Variants in ST7L observed in about 807,000 individuals in gnomAD.
ST7L encodes the protein suppression of tumorigenicity 7 like, also known as suppressor of tumorigenicity 7 protein-like.
A neutral mutation model predicts 72.5 loss-of-function variants in ST7L; 57 were observed. The ratio of observed to expected loss-of-function variants is 0.79; its 90% CI spans 0.64 to 0.98. The LOEUF is 0.98. Ranked by LOEUF, ST7L falls within the 50% of genes least tolerant of loss-of-function variation. The pLI is 0.00. For missense variants in ST7L, 576 were observed against 672.2 expected (o/e 0.86, Z 1.58); for synonymous variants, 221 against 240.9 (o/e 0.92, Z 0.77).
At chr1:112,520,787 G>A (rs548381683), downstream of ST7L, 8 of 485,986 alleles carry the variant, frequency 1.6e-5, no homozygotes, top group African/African-American at 7.6e-5. Context: ...AGAGTGAAAT[G>A]AGTTGCACTA....
intron 6 of ST7L, among the ~76,000 whole-genome samples, chr1:112,590,900 G>T (rs1167418879): frequency 6.6e-6 from 1 of 150,858 alleles, no homozygotes; most frequent in Non-Finnish European, 1.5e-5. Context: ...ATTAAAACAG[G>T]TGCATAAATA....
chr1:112,550,519 G>A, intron 13 of ST7L, 82 bp downstream of exon 13: 1 of 1,032,862 alleles, frequency 9.7e-7, no homozygotes, highest in South Asian at 1.5e-5. Context: ...TAAACCAAAG[G>A]CATTTTTAAA....
chr1:112,565,555 A>T (rs182803597), intron 11 of ST7L, among the ~76,000 whole-genome samples: 1 of 152,336 alleles, frequency 6.6e-6, no homozygotes, highest in Admixed American at 6.5e-5. Context: ...CAAATTAGTT[A>T]TTACCTAACT....
At chr1:112,575,633 A>T (rs1230515155) in intron 11 of ST7L, among the ~76,000 whole-genome samples, 1 of 152,074 alleles carries the variant, frequency 6.6e-6, no homozygotes, top group African/African-American at 2.4e-5. Context: ...GCCTGGATGG[A>T]GGGGGATGGT....
At chr1:112,566,619 T>C (rs1195965454) in intron 11 of ST7L, among the ~76,000 whole-genome samples, 4 of 152,152 alleles carry the variant, frequency 2.6e-5, no homozygotes, top group African/African-American at 9.7e-5. Flanking sequence ...CTTCTTTCAC[T>C]CCAGGAAGTT....
At chr1:112,589,345 T>TC (rs1234420932) in intron 6 of ST7L, among the ~76,000 whole-genome samples, 6 of 152,162 alleles carry the variant, frequency 3.9e-5, no homozygotes, top group African/African-American at 1.4e-4. Flanking sequence ...TGCCTTGGCC[T>TC]CCCAAAGTGC....
At chr1:112,543,298 C>T (rs566716816) in intron 13 of ST7L, among the ~76,000 whole-genome samples, 1 of 152,308 alleles carries the variant, frequency 6.6e-6, no homozygotes, top group African/African-American at 2.4e-5. Flanking sequence ...GCCTGTAATC[C>T]CAGCACCTTG....
At chr1:112,584,213 T>C (rs1664537253) in intron 6 of ST7L, 87 bp from the exon 7 acceptor site, 1 of 1,347,996 alleles carries the variant, frequency 7.4e-7, no homozygotes, top group African/African-American at 1.5e-5. Flanking sequence ...TATGTCATAT[T>C]TCCTTACCTA....
intron 2 of ST7L, among the ~76,000 whole-genome samples, chr1:112,612,326 G>A (rs1449916444): frequency 6.6e-6 from 1 of 152,052 alleles, no homozygotes; most frequent in East Asian, 1.9e-4. Context: ...TCAAATTCCT[G>A]GGCTTAAGCG....
At chr1:112,556,225 T>C (rs1316830816) in intron 11 of ST7L, among the ~76,000 whole-genome samples, 1 of 152,150 alleles carries the variant, frequency 6.6e-6, no homozygotes. Context: ...AATATTTCTA[T>C]AGGTAAAAAT....
At chr1:112,584,482 T>C (rs1664592041) in intron 6 of ST7L, among the ~76,000 whole-genome samples, 1 of 152,080 alleles carries the variant, frequency 6.6e-6, no homozygotes, top group Admixed American at 6.6e-5. Context: ...TACCCTCTAC[T>C]GGTCATACCT....
rs1177333943 is a variant in ST7L, at chr1:112,546,062, C to T, written c.1490-3972G>A. On this transcript the variant is annotated intron_variant, in intron 13 of 14. Transcript: ENST00000358039. Reference sequence around the variant, plus strand: ...GATTGAGGCTGGGTGCAGTGGCTCACACCTGTATTCCCAACACCTGTTGAG... The same window carrying T: ...GATTGAGGCTGGGTGCAGTGGCTCATACCTGTATTCCCAACACCTGTTGAG... Among the ~76,000 whole-genome samples the T allele has an allele frequency of 7.2e-5, 11 of 152,098 alleles. 1 individual carries two copies. In the East Asian group the frequency reaches 2.1e-3, roughly 29 times the overall value.
chr1:112,556,978 AAAAAAAC>A (rs1313792151), intron 11 of ST7L, among the ~76,000 whole-genome samples: 1,778 of 133,168 alleles, frequency 0.013, 128 homozygotes, highest in East Asian at 0.047. Context: ...AAAAAAAAAA[AAAAAAAC>A]AAAAAAAAAA....
intron 9 of ST7L, among the ~76,000 whole-genome samples, chr1:112,580,628 A>C (rs539312526): frequency 2.2e-4 from 34 of 152,264 alleles, no homozygotes; most frequent in Admixed American, 5.9e-4. Flanking sequence ...GTTATAACAT[A>C]ATAATAAAAA....
intron 3 of ST7L, chr1:112,607,090 A>T (rs1558053411): frequency 1.3e-5 from 2 of 152,216 alleles, no homozygotes; most frequent in Non-Finnish European, 2.9e-5. Context: ...CATTTAAACA[A>T]AGGCTCTTTG....
intron 14 of ST7L, among the ~76,000 whole-genome samples, chr1:112,530,579 T>A (rs998379974): frequency 6.6e-6 from 1 of 152,048 alleles, no homozygotes; most frequent in Non-Finnish European, 1.5e-5. Flanking sequence ...CACATCAGGC[T>A]AATTTTTGTG....
Position 112,587,432 on chromosome 1 carries a change from T to C in ST7L, c.702-3306A>G, listed in dbSNP as rs575907158. Among the ~76,000 whole-genome samples, 41 of 152,220 alleles carry C rather than the reference T, an allele frequency of 2.7e-4. No individual in the cohort carries two copies. In the South Asian group the frequency reaches 8.3e-3, roughly 31 times the overall value. On this transcript the variant is annotated intron_variant, in intron 6 of 14. Transcript: ENST00000358039. Reference sequence around the variant, plus strand: ...GCCTGGCCAACATGGTGAAACCTTGTCTCTACTCTAAAAATACAAAATTAG... The same window carrying C: ...GCCTGGCCAACATGGTGAAACCTTGCCTCTACTCTAAAAATACAAAATTAG...
In ST7L at chr1:112,539,451, T is replaced by G. The variant is rs1410496583; in HGVS notation, c.1629+2500A>C. 2.6e-5 allele frequency among the ~76,000 whole-genome samples: 4 copies of G among 152,026 alleles called. No individual in the cohort carries two copies. The East Asian group carries it at 7.8e-4, about 29-fold the overall frequency. Reference sequence around the variant, plus strand: ...TGGGTTGATCACTTGAGGTCAGAAGTTCGAGACCAGCCTGGCCAACATGGC... The same window carrying G: ...TGGGTTGATCACTTGAGGTCAGAAGGTCGAGACCAGCCTGGCCAACATGGC... On this transcript the variant is annotated intron_variant, in intron 14 of 14. Coordinates refer to ENST00000358039, the MANE Select transcript of ST7L (RefSeq NM_017744.5).
rs1653321272 is a variant in ST7L, at chr1:112,526,091, G to A, written c.1650C>T (p.Pro550=). The A allele has an allele frequency of 1.2e-6, 2 of 1,613,956 alleles. No individual in the cohort carries two copies. Among genetic ancestry groups the A allele is most frequent in the Non-Finnish European group, 1.7e-6 (2 of 1,180,030 alleles). ...FAKAVLGLWC[P]QPWASSGFEE... ...CAAAGCCTGAGGATGCCCAGGGTTG[G>A]GGGCACCAGAGTCCCAGCACCTTCA... is the stretch of plus-strand genomic sequence containing the variant. Residue 550 remains proline, a synonymous_variant, in exon 15 of 15, where the codon CCC becomes CCT. Transcript: ENST00000358039.
Sources: allele counts gnomAD v4.1 joint callset (sites outside exome capture counted in the v4.1 genomes callset), GRCh38; gene constraint gnomAD v4.1.1; transcripts MANE v1.5; gene names NCBI Gene and HGNC (gene_info 2026-07-23, HGNC 2026-07-21).